DGKH: variants seen among roughly 807,000 people sequenced by gnomAD.
DGKH encodes DAG kinase eta.
DGKH carries 90 observed loss-of-function variants against 159.3 expected under a neutral mutation model. That is an observed-to-expected ratio of 0.57 (90% CI 0.48 to 0.67). The LOEUF (loss-of-function observed/expected upper bound fraction) is 0.67, where lower values mean the gene tolerates loss of function less well. DGKH is among the 30% of genes least tolerant of loss of function. The pLI is 0.00. For missense variants in DGKH, 1,181 were observed against 1,506.1 expected (o/e 0.78, Z 3.57); for synonymous variants, 536 against 553.8 (o/e 0.97, Z 0.45).
intron 1 of DGKH, among the ~76,000 whole-genome samples, chr13:42,101,933 T>A (rs1016848670): frequency 6.6e-6 from 1 of 152,114 alleles, no homozygotes; most frequent in African/African-American, 2.4e-5. Flanking sequence ...TGAAACAGGA[T>A]GTTGAGATAG....
At chr13:42,251,255 C>T (rs1172214759) in intron 29 of DGKH, among the ~76,000 whole-genome samples, 4 of 152,040 alleles carry the variant, frequency 2.6e-5, no homozygotes, top group Non-Finnish European at 5.9e-5. Flanking sequence ...GTGGGCATAT[C>T]GCTTGAGCCC....
chr13:42,084,752 A>G (rs1175352505), intron 1 of DGKH, among the ~76,000 whole-genome samples: 2 of 151,718 alleles, frequency 1.3e-5, no homozygotes, highest in South Asian at 2.1e-4. Flanking sequence ...ACTAGTTTAT[A>G]TACCCTTAAT....
Position 42,250,133 on chromosome 13 carries a change from G to A in DGKH, n.4055-2276G>A, listed in dbSNP as rs144449554. Among the ~76,000 whole-genome samples the A allele has an allele frequency of 3.4e-3, 520 of 151,934 alleles. 8 individuals carry two copies. In the East Asian group the frequency reaches 0.04, roughly 12 times the overall value. The stretch of plus-strand genomic sequence containing the variant: ...CTACAGGCACATGCCACCACACCTA[G>A]CTAATTTTTGTGTTTTTAGTAGAGA... On this transcript the variant is annotated intron_variant and non_coding_transcript_variant, in intron 29 of 30. Transcript: ENST00000498255.
intron 2 of DGKH, 105 bp downstream of exon 2, chr13:42,127,678 C>T (rs1477221083): frequency 1.3e-6 from 1 of 777,462 alleles, no homozygotes; most frequent in Admixed American, 2.3e-5. Context: ...TAGCATTATG[C>T]TCTTATATGA....
At chr13:42,177,316 C>G in intron 12 of DGKH, among the ~76,000 whole-genome samples, 1 of 152,182 alleles carries the variant, frequency 6.6e-6, no homozygotes, top group Non-Finnish European at 1.5e-5. Context: ...TTCTTTCACT[C>G]AATGTTATGT....
At position 42,199,827 on chromosome 13, in the gene DGKH, A is replaced by G; in HGVS notation, c.2411A>G (p.Asn804Ser). Residue 804 changes from asparagine to serine, a missense_variant, in exon 20 of 30, where the codon AAC becomes AGC. By Grantham distance (46) the Asn-to-Ser change is conservative. Coordinates refer to ENST00000337343, the MANE Select transcript of DGKH (RefSeq NM_178009.5). ...TTTATTTTCAGGAGCCGAACTAAAA[A>G]CTTGATGTGGTATGGAGTCCTTGGA... Reference protein sequence around the residue: ...HPEKCRSRTKNLMWYGVLGTR... With the variant: ...HPEKCRSRTKSLMWYGVLGTR... 6.2e-7 allele frequency: 1 copy of G among 1,601,936 alleles called. No homozygotes were observed. Among genetic ancestry groups the G allele is most frequent in the South Asian group, 1.1e-5 (1 of 87,126 alleles).
intron 7 of DGKH, 118 bp from the exon 8 acceptor site, chr13:42,165,213 A>G (rs1044062534): frequency 6.0e-6 from 3 of 497,190 alleles, no homozygotes; most frequent in Admixed American, 7.2e-5. Flanking sequence ...AAAGTAGTTT[A>G]TGAATTACTG....
chr13:42,224,901 A>AT (rs1202033199), intron 29 of DGKH, among the ~76,000 whole-genome samples: 54 of 144,252 alleles, frequency 3.7e-4, no homozygotes, highest in Middle Eastern at 7.3e-3. Context: ...AAGGAAAAAA[A>AT]AAATATATAT....
rs1555279951 is a variant in DGKH, at chr13:42,224,903, A to ATAT, written c.3573+3509_3573+3510insTAT. Among the ~76,000 whole-genome samples the ATAT allele has an allele frequency of 4.1e-3, 599 of 144,966 alleles. 5 individuals are homozygous for ATAT. Among genetic ancestry groups the ATAT allele is most frequent in the African/African-American group, 0.013 (540 of 40,450 alleles). On this transcript the variant is annotated intron_variant, in intron 29 of 29. Transcript: ENST00000337343. ...CTAAAGTTGGGAAAAGGAAAAAAAA[A>ATAT]ATATATATATATATACATATATTTG...
intron 20 of DGKH, 38 bp downstream of exon 20, chr13:42,199,947 T>A: frequency 2.0e-6 from 3 of 1,529,490 alleles, no homozygotes; most frequent in Non-Finnish European, 2.6e-6. Flanking sequence ...TCATATTATC[T>A]TACTTAAAAA....
chr13:42,051,291 A>G (rs1250058762), intron 1 of DGKH, among the ~76,000 whole-genome samples: 1 of 152,240 alleles, frequency 6.6e-6, no homozygotes, highest in Non-Finnish European at 1.5e-5. Context: ...ATGTAAGTTC[A>G]TCAACATTTT....
intron 7 of DGKH, 116 bp downstream of exon 7, chr13:42,160,252 AC>A: frequency 7.2e-7 from 1 of 1,380,986 alleles, no homozygotes; most frequent in Non-Finnish European, 1.0e-6. Context: ...CTGGTAGCAT[AC>A]GCATCTCATG....
At chr13:42,040,310 T>C (rs1416809107) in intron 1 of DGKH, among the ~76,000 whole-genome samples, 1 of 152,120 alleles carries the variant, frequency 6.6e-6, no homozygotes, top group Admixed American at 6.5e-5. Context: ...GCCAGCGCGG[T>C]GGCCAGCCTA....
intron 1 of DGKH, among the ~76,000 whole-genome samples, chr13:42,083,466 T>C (rs1327917751): frequency 6.6e-6 from 1 of 152,372 alleles, no homozygotes; most frequent in East Asian, 1.9e-4. Context: ...ACCATAGTTA[T>C]ACAAATGCAA....
intron 1 of DGKH, chr13:42,069,676 A>G (rs2137688754): frequency 1.6e-6 from 2 of 1,214,760 alleles, no homozygotes; most frequent in South Asian, 2.8e-5. Flanking sequence ...AAGATCTGTA[A>G]TAAGCTTGGG....
At chr13:42,042,452 C>G (rs2137621859) in intron 1 of DGKH, among the ~76,000 whole-genome samples, 1 of 152,242 alleles carries the variant, frequency 6.6e-6, no homozygotes, top group East Asian at 1.9e-4. Flanking sequence ...ATTCAGTTTC[C>G]AGTCTTAGCA....
At chr13:42,190,843 T>G (rs976654109) in intron 16 of DGKH, among the ~76,000 whole-genome samples, 3 of 152,212 alleles carry the variant, frequency 2.0e-5, no homozygotes, top group African/African-American at 7.2e-5. Context: ...ATCATCTGAT[T>G]TGAACCTATT....
chr13:42,163,582 T>G (rs887139102), intron 7 of DGKH, among the ~76,000 whole-genome samples: 8 of 152,232 alleles, frequency 5.3e-5, no homozygotes, highest in African/African-American at 1.9e-4. Flanking sequence ...TATCTCATTG[T>G]GGTTTTGATC....
At chr13:42,051,367 G>C (rs1166027676) in intron 1 of DGKH, among the ~76,000 whole-genome samples, 1 of 152,100 alleles carries the variant, frequency 6.6e-6, no homozygotes, top group African/African-American at 2.4e-5. Context: ...CTCATACCCC[G>C]CCTCCTGCAA....
Sources: allele counts gnomAD v4.1 joint callset (sites outside exome capture counted in the v4.1 genomes callset), GRCh38; gene constraint gnomAD v4.1.1; transcripts MANE v1.5; gene names NCBI Gene and HGNC (gene_info 2026-07-23, HGNC 2026-07-21).